Variants in CHCHD6 observed in about 807,000 individuals in gnomAD.
The protein encoded by CHCHD6 is coiled-coil-helix-coiled-coil-helix domain containing 6.
Under a neutral mutation model 32.3 loss-of-function variants are expected in CHCHD6, and 28 were observed. The observed-to-expected ratio is 0.87, with a 90% CI of 0.64 to 1.19. The LOEUF is 1.19. Ranked by LOEUF, CHCHD6 falls within the 50% of genes most tolerant of loss-of-function variation. The probability of loss-of-function intolerance (pLI) is 0.00; values close to 1 mark genes in which losing one functional copy is unlikely to be tolerated. For synonymous variants in CHCHD6, 122 were observed against 117.5 expected (o/e 1.04, Z -0.25); for missense variants, 333 against 307.0 (o/e 1.08, Z -0.63).
intron 5 of CHCHD6, among the ~76,000 whole-genome samples, chr3:126,891,204 A>T (rs57542540): frequency 6.6e-6 from 1 of 152,144 alleles, no homozygotes; most frequent in Non-Finnish European, 1.5e-5. Context: ...CATGTCGGAA[A>T]GGCCTGGGGG....
At chr3:126,864,752 A>ACCATCAC (rs1942185267) in intron 5 of CHCHD6, among the ~76,000 whole-genome samples, 1 of 25,976 alleles carries the variant, frequency 3.8e-5, no homozygotes, top group African/African-American at 1.9e-4. Context: ...ACCATCATCT[A>ACCATCAC]CTCCTCCTCC....
chr3:126,886,116 T>C (rs1405891111), intron 5 of CHCHD6, among the ~76,000 whole-genome samples: 5 of 152,234 alleles, frequency 3.3e-5, no homozygotes, highest in South Asian at 2.1e-4. Flanking sequence ...GTATGAACAC[T>C]GTTTAAGTGC....
In CHCHD6 at chr3:126,959,216, G is replaced by A. The variant is rs532891882; in HGVS notation, c.703-980G>A. Among the ~76,000 whole-genome samples the A allele has an allele frequency of 8.5e-5, 13 of 152,344 alleles. No individual in the cohort carries two copies. The South Asian group carries it at 2.7e-3, about 32-fold the overall frequency. On this transcript the variant is annotated intron_variant, in intron 7 of 7. Transcript: ENST00000290913. ...AGTGTATTCCCTGAGAGAGGCTCTGGGACACTGCCAGGTCTGGCTCCCTCC... is the reference window on the plus strand; with the variant it reads ...AGTGTATTCCCTGAGAGAGGCTCTGAGACACTGCCAGGTCTGGCTCCCTCC...
chr3:126,942,562 A>G (rs1041426548), intron 6 of CHCHD6, among the ~76,000 whole-genome samples: 15 of 152,176 alleles, frequency 9.9e-5, no homozygotes, highest in Admixed American at 2.0e-4. Flanking sequence ...TTAATATTCA[A>G]AATGCCATAG....
chr3:126,957,600 C>T lies in CHCHD6; in HGVS notation c.702+49C>T, dbSNP rs774293920. 7.8e-6 allele frequency: 12 copies of T among 1,540,928 alleles called. No individual in the cohort carries two copies. The African/African-American group carries it at 8.2e-5, about 11-fold the overall frequency. ...GTTTCCAAGGGCCTTGGGAGGTAGG[C>T]GAGGTACCTCTATCTAGCATTGGAG... On this transcript the variant is annotated intron_variant, in intron 7 of 7. Transcript: ENST00000290913.
chr3:126,818,745 C>G (rs1334997640), intron 4 of CHCHD6, among the ~76,000 whole-genome samples: 2 of 152,206 alleles, frequency 1.3e-5, no homozygotes, highest in Non-Finnish European at 2.9e-5. Flanking sequence ...AAACAGCAGT[C>G]CTGGCCCTTT....
chr3:126,921,715 G>C (rs1437794165), intron 6 of CHCHD6, among the ~76,000 whole-genome samples: 4 of 152,212 alleles, frequency 2.6e-5, no homozygotes, highest in Non-Finnish European at 1.5e-5. Context: ...TAATGTGGAT[G>C]TGGCAGCCTT....
chr3:126,952,601 G>A (rs999812621), intron 6 of CHCHD6, among the ~76,000 whole-genome samples: 1 of 152,220 alleles, frequency 6.6e-6, no homozygotes, highest in Admixed American at 6.5e-5. Flanking sequence ...TGGGGCCCAG[G>A]GGAGTGGGGC....
intron 4 of CHCHD6, among the ~76,000 whole-genome samples, chr3:126,743,800 C>T (rs1028903189): frequency 7.2e-5 from 11 of 152,172 alleles, no homozygotes; most frequent in Non-Finnish European, 1.3e-4. Flanking sequence ...CTACTTTGTT[C>T]TTGAGAGAAG....
At chr3:126,729,847 G>A (rs990608012) in intron 2 of CHCHD6, among the ~76,000 whole-genome samples, 2 of 152,148 alleles carry the variant, frequency 1.3e-5, no homozygotes, top group African/African-American at 2.4e-5. Flanking sequence ...GTGGGACATC[G>A]GAGAAGGCCA....
intron 5 of CHCHD6, among the ~76,000 whole-genome samples, chr3:126,885,673 C>T (rs1477445440): frequency 6.6e-6 from 1 of 152,204 alleles, no homozygotes; most frequent in Non-Finnish European, 1.5e-5. Flanking sequence ...ATTACTCTAA[C>T]TCCCAGCAGC....
chr3:126,805,396 A>T (rs1227986350), intron 4 of CHCHD6, among the ~76,000 whole-genome samples: 4 of 152,114 alleles, frequency 2.6e-5, no homozygotes, highest in African/African-American at 9.7e-5. Flanking sequence ...AAGCATTCTT[A>T]TACACCAATA....
At chr3:126,863,538 C>A (rs1375966796) in intron 5 of CHCHD6, among the ~76,000 whole-genome samples, 1 of 142,288 alleles carries the variant, frequency 7.0e-6, no homozygotes, top group African/African-American at 2.7e-5. Flanking sequence ...CCACCTCCTC[C>A]TCCTCCACCA....
intron 5 of CHCHD6, among the ~76,000 whole-genome samples, chr3:126,906,360 C>T (rs2078005661): frequency 6.6e-6 from 1 of 152,246 alleles, no homozygotes; most frequent in African/African-American, 2.4e-5. Context: ...GCCAGCAGTC[C>T]TTCCAGAATG....
intron 1 of CHCHD6, among the ~76,000 whole-genome samples, chr3:126,715,437 G>T (rs1934963325): frequency 6.6e-6 from 1 of 152,018 alleles, no homozygotes; most frequent in Admixed American, 6.5e-5. Flanking sequence ...CTTATCATCA[G>T]TCTTGGGTTG....
intron 6 of CHCHD6, among the ~76,000 whole-genome samples, chr3:126,936,672 C>T (rs994600828): frequency 3.9e-5 from 6 of 152,198 alleles, no homozygotes; most frequent in Admixed American, 2.6e-4. Context: ...TCTCCTACCT[C>T]AGCCTCCCAA....
chr3:126,742,520 C>A (rs553788341), intron 4 of CHCHD6, among the ~76,000 whole-genome samples: 12 of 152,140 alleles, frequency 7.9e-5, no homozygotes, highest in African/African-American at 2.9e-4. Context: ...AAATTTAATC[C>A]CCAGTGTGGC....
At chr3:126,875,619 G>A (rs760946024) in intron 5 of CHCHD6, among the ~76,000 whole-genome samples, 1 of 152,192 alleles carries the variant, frequency 6.6e-6, no homozygotes, top group East Asian at 1.9e-4. Context: ...GTTCTTGATG[G>A]CATCATACTT....
chr3:126,888,920 A>G (rs932937323), intron 5 of CHCHD6, among the ~76,000 whole-genome samples: 1 of 152,182 alleles, frequency 6.6e-6, no homozygotes, highest in Non-Finnish European at 1.5e-5. Context: ...CCCCTGCCAC[A>G]GGGAGGCCCA....
Sources: allele counts gnomAD v4.1 joint callset (sites outside exome capture counted in the v4.1 genomes callset), GRCh38; gene constraint gnomAD v4.1.1; transcripts MANE v1.5; gene names NCBI Gene and HGNC (gene_info 2026-07-23, HGNC 2026-07-21).